The following ZNF385B variants were observed in gnomAD, a reference collection of about 807,000 sequenced individuals.
The protein encoded by ZNF385B is zinc finger protein 533.
Under a neutral mutation model 39.2 loss-of-function variants are expected in ZNF385B, and 23 were observed. The ratio of observed to expected loss-of-function variants is 0.59; its 90% CI spans 0.42 to 0.83. The LOEUF is 0.83. ZNF385B is among the 40% of genes least tolerant of loss of function. The pLI is 0.00. For synonymous variants in ZNF385B, 205 were observed against 222.6 expected (o/e 0.92, Z 0.70); for missense variants, 552 against 598.9 (o/e 0.92, Z 0.82).
chr2:179,653,959 T>TG (rs1693467152), intron 3 of ZNF385B, among the ~76,000 whole-genome samples: 1 of 152,128 alleles, frequency 6.6e-6, no homozygotes, highest in African/African-American at 2.4e-5. Context: ...AGATGCACAA[T>TG]GGTAAGGAGA....
At chr2:179,650,811 A>G (rs1693129330) in intron 3 of ZNF385B, among the ~76,000 whole-genome samples, 1 of 152,230 alleles carries the variant, frequency 6.6e-6, no homozygotes, top group South Asian at 2.1e-4. Context: ...CTTTGATTCA[A>G]TGTGTCACAG....
chr2:179,610,571 G>A (rs1392609669), intron 3 of ZNF385B, among the ~76,000 whole-genome samples: 1 of 152,050 alleles, frequency 6.6e-6, no homozygotes, highest in Non-Finnish European at 1.5e-5. Context: ...TTTTAGGATA[G>A]TTTTTCTATT....
At chr2:179,644,479 T>G (rs6756679) in intron 3 of ZNF385B, among the ~76,000 whole-genome samples, 27 of 152,242 alleles carry the variant, frequency 1.8e-4, no homozygotes, top group African/African-American at 6.5e-4. Flanking sequence ...TTACCAAAAA[T>G]AGATGTAACA....
chr2:179,536,486 A>G lies in ZNF385B; in HGVS notation c.441+8341T>C, dbSNP rs1053440287. On this transcript the variant is annotated intron_variant, in intron 4 of 9. Transcript: ENST00000410066. Reference sequence around the variant, plus strand: ...GATAAAGAAAGGGACATACAAGAGGACACAGCATGGTGGGTCTACAGATGC... The same window carrying G: ...GATAAAGAAAGGGACATACAAGAGGGCACAGCATGGTGGGTCTACAGATGC... 5 of 152,224 alleles carry G rather than the reference A, an allele frequency of 3.3e-5. 1 individual carries two copies. Among genetic ancestry groups the G allele is most frequent in the East Asian group, 1.9e-4 (1 of 5,204 alleles). 9.4% of individuals were successfully genotyped at this position (152,224 alleles called of 1,614,324 possible).
intron 3 of ZNF385B, among the ~76,000 whole-genome samples, chr2:179,702,884 A>T (rs1405442803): frequency 6.6e-6 from 1 of 152,156 alleles, no homozygotes; most frequent in African/African-American, 2.4e-5. Context: ...TTTCTCCCGC[A>T]TCCCGTGTCA....
intron 3 of ZNF385B, among the ~76,000 whole-genome samples, chr2:179,717,917 T>C (rs1419579889): frequency 1.3e-5 from 2 of 152,204 alleles, no homozygotes; most frequent in African/African-American, 4.8e-5. Flanking sequence ...TTATTAGCTG[T>C]TATTACTTGC....
rs548264605 is a variant in ZNF385B, at chr2:179,823,287, C to A, written c.-155+37814G>T. Among the ~76,000 whole-genome samples, 173 of 152,252 alleles carry A rather than the reference C, an allele frequency of 1.1e-3. 1 individual carries two copies. Among genetic ancestry groups the A allele is most frequent in the Non-Finnish European group, 1.8e-3 (124 of 68,002 alleles). On this transcript the variant is annotated intron_variant, in intron 1 of 9. Coordinates refer to ENST00000410066, the MANE Select transcript of ZNF385B (RefSeq NM_152520.6). ...TTACAAAGCTGCAGCACAAGTTTCA[C>A]AAACAGGTGAATTTTAGTTCTAGAT...
chr2:179,851,812 T>G (rs1357501029), intron 1 of ZNF385B, among the ~76,000 whole-genome samples: 1 of 152,212 alleles, frequency 6.6e-6, no homozygotes, highest in African/African-American at 2.4e-5. Flanking sequence ...TTGTTACCCA[T>G]ACACAGTAAA....
chr2:179,609,932 C>G (rs1047843600), intron 3 of ZNF385B, among the ~76,000 whole-genome samples: 3 of 152,072 alleles, frequency 2.0e-5, no homozygotes, highest in African/African-American at 7.2e-5. Context: ...TATAGAATTG[C>G]TTGAGTTCCA....
intron 3 of ZNF385B, among the ~76,000 whole-genome samples, chr2:179,598,808 C>CT (rs1158003118): frequency 6.6e-6 from 1 of 152,028 alleles, no homozygotes; most frequent in Non-Finnish European, 1.5e-5. Context: ...AAATATTAGC[C>CT]TTAACTTTAT....
chr2:179,489,388 C>T (rs2054960136), intron 5 of ZNF385B, among the ~76,000 whole-genome samples: 1 of 152,148 alleles, frequency 6.6e-6, no homozygotes. Flanking sequence ...TATTTGTAGG[C>T]ATTTTGTATA....
intron 4 of ZNF385B, among the ~76,000 whole-genome samples, chr2:179,537,404 C>T (rs530405766): frequency 6.6e-6 from 1 of 151,552 alleles, no homozygotes; most frequent in East Asian, 1.9e-4. Flanking sequence ...GTGTTTTTTC[C>T]CCATCCATGG....
In ZNF385B at chr2:179,610,158, T is replaced by C. The variant is rs1431241406; in HGVS notation, c.299-65189A>G. Among the ~76,000 whole-genome samples the C allele has an allele frequency of 2.6e-5, 4 of 152,180 alleles. No individual in the cohort carries two copies. The East Asian group carries it at 7.7e-4, about 29-fold the overall frequency. ...GCCTAATCCATTGTCTTGGATAGTT[T>C]CCCCTATGTTTTATTTTACTAGTTT... On this transcript the variant is annotated intron_variant, in intron 3 of 9. Coordinates refer to ENST00000410066, the MANE Select transcript of ZNF385B (RefSeq NM_152520.6).
At chr2:179,467,008 T>C (rs1311895416) in intron 6 of ZNF385B, among the ~76,000 whole-genome samples, 2 of 138,840 alleles carry the variant, frequency 1.4e-5, no homozygotes, top group African/African-American at 2.7e-5. Flanking sequence ...AAATTCCACA[T>C]AGAATGTCCT....
At chr2:179,599,721 C>T (rs567690226) in intron 3 of ZNF385B, among the ~76,000 whole-genome samples, 2 of 152,236 alleles carry the variant, frequency 1.3e-5, no homozygotes, top group East Asian at 3.9e-4. Context: ...CTAACTAGAT[C>T]AAACAAGTGA....
chr2:179,804,650 T>C (rs1466443475), intron 1 of ZNF385B, among the ~76,000 whole-genome samples: 1 of 152,190 alleles, frequency 6.6e-6, no homozygotes, highest in Non-Finnish European at 1.5e-5. Flanking sequence ...CTTCACAGGA[T>C]TGTTATGAGG....
intron 1 of ZNF385B, among the ~76,000 whole-genome samples, chr2:179,789,278 A>G (rs1334647021): frequency 6.6e-6 from 1 of 152,324 alleles, no homozygotes; most frequent in Admixed American, 6.5e-5. Flanking sequence ...AGGTTCTTAA[A>G]TCAAAGTTAA....
intron 3 of ZNF385B, among the ~76,000 whole-genome samples, chr2:179,759,886 TATTATCTCTA>T (rs1301121116): frequency 1.3e-5 from 2 of 152,198 alleles, no homozygotes; most frequent in African/African-American, 4.8e-5. Context: ...TTCTGTTTCC[TATTATCTCTA>T]ATTATGCTAC....
intron 3 of ZNF385B, among the ~76,000 whole-genome samples, chr2:179,633,721 A>G (rs1396805185): frequency 6.6e-6 from 1 of 152,174 alleles, no homozygotes; most frequent in African/African-American, 2.4e-5. Flanking sequence ...GGCAAGGGAA[A>G]GAAATAAAGG....
Sources: gnomAD v4.1 joint callset for allele counts (sites outside exome capture counted in the v4.1 genomes callset) on GRCh38, gnomAD v4.1.1 for gene constraint, MANE v1.5 for transcripts, NCBI Gene and HGNC (gene_info 2026-07-23, HGNC 2026-07-21) for gene names.